The following EXOC6B variants were observed in gnomAD, a reference collection of about 807,000 sequenced individuals.
EXOC6B encodes the protein SEC15 homolog B.
A neutral mutation model predicts 113.5 loss-of-function variants in EXOC6B; 54 were observed. That is an observed-to-expected ratio of 0.48 (90% CI 0.38 to 0.60). The LOEUF (loss-of-function observed/expected upper bound fraction) is 0.60. Ranked by LOEUF, EXOC6B falls within the 20% of genes least tolerant of loss-of-function variation. The pLI is 0.00. For synonymous variants in EXOC6B, 357 were observed against 339.0 expected, an observed-to-expected ratio of 1.05 and a Z score of -0.58; for missense variants, 797 against 977.5, an observed-to-expected ratio of 0.82 and a Z score of 2.46.
At chr2:72,634,050 C>T (rs1372682187) in intron 6 of EXOC6B, among the ~76,000 whole-genome samples, 3 of 151,422 alleles carry the variant, frequency 2.0e-5, no homozygotes, top group Non-Finnish European at 2.9e-5. Context: ...AAAGAGCATG[C>T]GTGAAGGTCC....
chr2:72,689,320 T>C (rs1677319329), intron 6 of EXOC6B, among the ~76,000 whole-genome samples: 1 of 152,204 alleles, frequency 6.6e-6, no homozygotes, highest in East Asian at 1.9e-4. Context: ...ACCCATTGGC[T>C]CAAAAACATC....
chr2:72,454,340 C>A (rs1697086545), intron 18 of EXOC6B, among the ~76,000 whole-genome samples: 1 of 151,886 alleles, frequency 6.6e-6, no homozygotes, highest in Non-Finnish European at 1.5e-5. Context: ...CCCATCTCAA[C>A]AAAAAAATAA....
chr2:72,745,925 A>AT lies in EXOC6B; in HGVS notation c.114-4457dup, dbSNP rs1178660997. Reference sequence around the variant, plus strand: ...ACAATGCAGTCGAACAAAGTGTGGCATTTTTTTCTTTTAATACCTTAAGGT... The same window carrying AT: ...ACAATGCAGTCGAACAAAGTGTGGCATTTTTTTTCTTTTAATACCTTAAGGT... On this transcript the variant is annotated intron_variant, in intron 1 of 21. Coordinates refer to ENST00000272427, the MANE Select transcript of EXOC6B (RefSeq NM_015189.3). Among the ~76,000 whole-genome samples the AT allele has an allele frequency of 2.6e-5, 4 of 152,090 alleles. No individual in the cohort carries two copies. In the South Asian group the frequency reaches 8.3e-4, roughly 32 times the overall value.
intron 18 of EXOC6B, among the ~76,000 whole-genome samples, chr2:72,412,956 C>T (rs1558643909): frequency 4.0e-5 from 6 of 151,392 alleles, no homozygotes; most frequent in Non-Finnish European, 7.4e-5. Flanking sequence ...CTCTCCCTCT[C>T]TCTTTCTTTC....
chr2:72,395,448 A>C, intron 18 of EXOC6B, among the ~76,000 whole-genome samples: 1 of 152,100 alleles, frequency 6.6e-6, no homozygotes, highest in East Asian at 1.9e-4. Flanking sequence ...AGTATCCTGT[A>C]GGTGCTTTGG....
intron 8 of EXOC6B, among the ~76,000 whole-genome samples, chr2:72,554,622 T>G (rs114277187): frequency 2.9e-4 from 44 of 152,346 alleles, no homozygotes; most frequent in Admixed American, 6.5e-4. Context: ...CTAGCCATGC[T>G]TCCTGTTAGG....
At chr2:72,382,289 C>T (rs1186466950) in intron 18 of EXOC6B, among the ~76,000 whole-genome samples, 3 of 152,146 alleles carry the variant, frequency 2.0e-5, no homozygotes, top group Non-Finnish European at 4.4e-5. Flanking sequence ...CAATACTGAA[C>T]ATTATTCCCC....
At chr2:72,757,269 A>G (rs1004928395) in intron 1 of EXOC6B, among the ~76,000 whole-genome samples, 71 of 152,236 alleles carry the variant, frequency 4.7e-4, no homozygotes, top group African/African-American at 1.6e-3. Flanking sequence ...GTGGCGGTTA[A>G]CAATAACAAA....
intron 20 of EXOC6B, among the ~76,000 whole-genome samples, chr2:72,204,714 C>T (rs1679725711): frequency 6.6e-6 from 1 of 152,138 alleles, no homozygotes; most frequent in Non-Finnish European, 1.5e-5. Flanking sequence ...TGTGATTAAA[C>T]ATTACAGAGT....
chr2:72,345,963 C>T (rs1372884920), intron 19 of EXOC6B, among the ~76,000 whole-genome samples: 1 of 152,004 alleles, frequency 6.6e-6, no homozygotes, highest in African/African-American at 2.4e-5. Context: ...TACCTTCCAC[C>T]CAATTTTGCT....
chr2:72,373,069 T>C (rs1423804277), intron 19 of EXOC6B, among the ~76,000 whole-genome samples: 1 of 150,776 alleles, frequency 6.6e-6, no homozygotes. Flanking sequence ...GAAGACTTTT[T>C]TTTTTTTTTT....
intron 18 of EXOC6B, among the ~76,000 whole-genome samples, chr2:72,451,689 T>TGTGTGC (rs1318755159): frequency 6.6e-6 from 1 of 151,644 alleles, no homozygotes; most frequent in African/African-American, 2.4e-5. Flanking sequence ...TGTGTGTGTG[T>TGTGTGC]ATCCCTAATC....
chr2:72,330,575 T>G (rs922145448), intron 20 of EXOC6B, among the ~76,000 whole-genome samples: 2 of 152,138 alleles, frequency 1.3e-5, no homozygotes, highest in Non-Finnish European at 2.9e-5. Flanking sequence ...GTGTGACTCT[T>G]CACCTTTTCC....
chr2:72,460,863 T>C (rs1340752898), intron 18 of EXOC6B, among the ~76,000 whole-genome samples: 1 of 151,670 alleles, frequency 6.6e-6, no homozygotes, highest in African/African-American at 2.4e-5. Flanking sequence ...ACTGGGTATA[T>C]ACCCAAAGGA....
At chr2:72,402,306 T>C (rs1480049695) in intron 18 of EXOC6B, among the ~76,000 whole-genome samples, 1 of 152,196 alleles carries the variant, frequency 6.6e-6, no homozygotes, top group African/African-American at 2.4e-5. Context: ...ATTTTATACA[T>C]TTGTCCTTAA....
At chr2:72,808,813 C>T (rs1283159771) in intron 1 of EXOC6B, among the ~76,000 whole-genome samples, 1 of 152,038 alleles carries the variant, frequency 6.6e-6, no homozygotes, top group African/African-American at 2.4e-5. Flanking sequence ...TGGTTCATGC[C>T]TGTAATTCCA....
intron 1 of EXOC6B, among the ~76,000 whole-genome samples, chr2:72,807,251 A>C (rs941188118): frequency 6.6e-6 from 1 of 152,016 alleles, no homozygotes; most frequent in Non-Finnish European, 1.5e-5. Flanking sequence ...TTAACCAGTT[A>C]CCCCAGCACC....
intron 6 of EXOC6B, among the ~76,000 whole-genome samples, chr2:72,600,599 A>G (rs370561176): frequency 1.3e-5 from 2 of 152,170 alleles, no homozygotes; most frequent in Admixed American, 6.5e-5. Context: ...AGAAAATCCA[A>G]TGGAAAGGAG....
chr2:72,740,059 TAAATA>T (rs1681204652), intron 2 of EXOC6B, among the ~76,000 whole-genome samples: 1 of 152,178 alleles, frequency 6.6e-6, no homozygotes, highest in Admixed American at 6.5e-5. Context: ...AAATTCATGC[TAAATA>T]AAATAAGAAA....
Sources: gnomAD v4.1 joint callset for allele counts (sites outside exome capture counted in the v4.1 genomes callset) on GRCh38, gnomAD v4.1.1 for gene constraint, MANE v1.5 for transcripts, NCBI Gene and HGNC (gene_info 2026-07-23, HGNC 2026-07-21) for gene names.